Variants in BMERB1 observed in about 807,000 individuals in gnomAD.
BMERB1 encodes bMERB domain-containing protein 1.
In BMERB1, 12 loss-of-function variants were observed where a neutral mutation model predicts 23.6. The ratio of observed to expected loss-of-function variants is 0.51; its 90% confidence interval spans 0.33 to 0.82. The LOEUF (loss-of-function observed/expected upper bound fraction) is 0.82, where lower values mean the gene tolerates loss of function less well. Ranked by LOEUF, BMERB1 falls within the 40% of genes least tolerant of loss-of-function variation. The probability of loss-of-function intolerance (pLI) is 0.03; values close to 1 mark genes in which losing one functional copy is unlikely to be tolerated. For synonymous variants in BMERB1, 122 were observed against 96.6 expected, an observed-to-expected ratio of 1.26 and a Z score of -1.54; for missense variants, 247 against 255.4, an observed-to-expected ratio of 0.97 and a Z score of 0.22.
intron 1 of BMERB1, among the ~76,000 whole-genome samples, chr16:15,513,953 A>G (rs1266465209): frequency 6.6e-6 from 1 of 152,176 alleles, no homozygotes; most frequent in African/African-American, 2.4e-5. Context: ...AAAAAACCAC[A>G]TATATTCATA....
intron 2 of BMERB1, among the ~76,000 whole-genome samples, chr16:15,534,807 C>A (rs2150960782): frequency 6.6e-6 from 1 of 152,266 alleles, no homozygotes; most frequent in East Asian, 1.9e-4. Context: ...CCTGTCTTAT[C>A]CACAGCAGCT....
chr16:15,439,082 C>T (rs906337575), intron 1 of BMERB1, among the ~76,000 whole-genome samples: 1 of 152,184 alleles, frequency 6.6e-6, no homozygotes, highest in African/African-American at 2.4e-5. Flanking sequence ...AGGGAGACTG[C>T]AGAACTGGTC....
At chr16:15,491,656 T>G (rs2051421676) in intron 1 of BMERB1, among the ~76,000 whole-genome samples, 1 of 152,134 alleles carries the variant, frequency 6.6e-6, no homozygotes, top group Non-Finnish European at 1.5e-5. Flanking sequence ...CCTTTTCTCT[T>G]TCTTTTAGAG....
intron 1 of BMERB1, among the ~76,000 whole-genome samples, chr16:15,465,788 A>C (rs1184059024): frequency 6.6e-6 from 1 of 152,126 alleles, no homozygotes; most frequent in South Asian, 2.1e-4. Flanking sequence ...TCTTTTCCAC[A>C]TTTGCTTTTA....
chr16:15,520,375 A>G (rs761348888), intron 2 of BMERB1, among the ~76,000 whole-genome samples: 5 of 151,944 alleles, frequency 3.3e-5, no homozygotes, highest in South Asian at 2.1e-4. Context: ...TTGTTCTGCA[A>G]TGTTGAATTG....
At chr16:15,496,645 T>C (rs1404336751) in intron 1 of BMERB1, among the ~76,000 whole-genome samples, 2 of 151,954 alleles carry the variant, frequency 1.3e-5, no homozygotes, top group Non-Finnish European at 2.9e-5. Context: ...TTCACGCCAT[T>C]CTCCTGCCTC....
chr16:15,465,316 T>G (rs1598453540), intron 1 of BMERB1, among the ~76,000 whole-genome samples: 1 of 151,912 alleles, frequency 6.6e-6, no homozygotes, highest in African/African-American at 2.4e-5. Flanking sequence ...TGACACCTTG[T>G]ATCCATCATC....
intron 1 of BMERB1, among the ~76,000 whole-genome samples, chr16:15,515,103 A>G (rs1407146157): frequency 6.6e-6 from 1 of 152,138 alleles, no homozygotes. Flanking sequence ...AAACAAAGCA[A>G]ACGAAGTAAA....
At chr16:15,467,684 G>C (rs182339285) in intron 1 of BMERB1, among the ~76,000 whole-genome samples, 2 of 152,092 alleles carry the variant, frequency 1.3e-5, no homozygotes, top group Admixed American at 1.3e-4. Context: ...GTCAAACTCT[G>C]TAAAATATTT....
At chr16:15,493,718 C>G (rs183147040) in intron 1 of BMERB1, among the ~76,000 whole-genome samples, 119 of 145,680 alleles carry the variant, frequency 8.2e-4, no homozygotes, top group Non-Finnish European at 5.6e-4. Context: ...CACCCTCATT[C>G]AGATGAGGAT....
chr16:15,457,199 C>G (rs910240334), intron 1 of BMERB1, among the ~76,000 whole-genome samples: 8 of 152,138 alleles, frequency 5.3e-5, no homozygotes, highest in African/African-American at 1.9e-4. Context: ...GTGGAAGATA[C>G]ACAAATCTGA....
chr16:15,484,180 C>CA lies in BMERB1; in HGVS notation c.107-31124dup, dbSNP rs1289279225. Among the ~76,000 whole-genome samples, 4 of 152,200 alleles carry CA rather than the reference C, an allele frequency of 2.6e-5. No homozygotes were observed. The South Asian group carries it at 6.2e-4, about 24-fold the overall frequency. On this transcript the variant is annotated intron_variant, in intron 1 of 5. Coordinates refer to ENST00000300006, the MANE Select transcript of BMERB1 (RefSeq NM_033201.3). ...GAGGGATCTGCTCCCATCATCCAAA[C>CA]ACCTCTCAACAGGCCCCACTTCCAA...
chr16:15,550,416 T>A (rs2030052676), intron 2 of BMERB1, among the ~76,000 whole-genome samples: 1 of 151,956 alleles, frequency 6.6e-6, no homozygotes. Context: ...CACTGCAACC[T>A]CTGCCTCCCA....
intron 3 of BMERB1, among the ~76,000 whole-genome samples, chr16:15,576,591 T>C (rs1189240286): frequency 1.3e-5 from 2 of 152,124 alleles, no homozygotes; most frequent in African/African-American, 4.8e-5. Context: ...TGGTGCAAAC[T>C]GGATGGCTTA....
At chr16:15,500,712 C>T (rs541517982) in intron 1 of BMERB1, among the ~76,000 whole-genome samples, 3 of 152,304 alleles carry the variant, frequency 2.0e-5, no homozygotes, top group Non-Finnish European at 2.9e-5. Context: ...AGTGCAGTGG[C>T]GCAGTCTCGG....
At chr16:15,465,245 G>A (rs182364131) in intron 1 of BMERB1, among the ~76,000 whole-genome samples, 268 of 152,036 alleles carry the variant, frequency 1.8e-3, no homozygotes, top group African/African-American at 5.8e-3. Flanking sequence ...ACATACAAAC[G>A]GATATAAATC....
At chr16:15,538,842 T>C (rs1353120926) in intron 2 of BMERB1, among the ~76,000 whole-genome samples, 1 of 151,974 alleles carries the variant, frequency 6.6e-6, no homozygotes, top group African/African-American at 2.4e-5. Context: ...AGAAACACAA[T>C]GTGGTGAAGG....
chr16:15,460,848 G>A (rs2051128069), intron 1 of BMERB1, among the ~76,000 whole-genome samples: 1 of 152,154 alleles, frequency 6.6e-6, no homozygotes, highest in Admixed American at 6.5e-5. Context: ...CTGGGTGCAG[G>A]CTGGGCGCAG....
At chr16:15,573,419 G>T (rs868439364) in intron 3 of BMERB1, among the ~76,000 whole-genome samples, 2 of 152,100 alleles carry the variant, frequency 1.3e-5, no homozygotes, top group African/African-American at 2.4e-5. Flanking sequence ...TTTTAAAGAC[G>T]ATTTGGTGGA....
Sources: allele counts gnomAD v4.1 joint callset (sites outside exome capture counted in the v4.1 genomes callset), GRCh38; gene constraint gnomAD v4.1.1; transcripts MANE v1.5; gene names NCBI Gene and HGNC (gene_info 2026-07-23, HGNC 2026-07-21).